Variants in SEM1 observed in about 807,000 individuals in gnomAD.
The protein encoded by SEM1 is SEM1 26S proteasome subunit.
In SEM1, 3 loss-of-function variants were observed where a neutral mutation model predicts 12.7. The observed-to-expected ratio is 0.24, with a 90% confidence interval of 0.11 to 0.61. The LOEUF (loss-of-function observed/expected upper bound fraction) is 0.61, where lower values mean the gene tolerates loss of function less well. Among genes scored for constraint, SEM1 ranks in the 20% least tolerant of loss-of-function variants. The pLI is 0.88. For missense variants in SEM1, 59 were observed against 81.3 expected (o/e 0.73, Z 1.06); for synonymous variants, 30 against 27.8 (o/e 1.08, Z -0.25).
upstream of SEM1, among the ~76,000 whole-genome samples, chr7:96,500,423 G>A (rs917899212): frequency 3.9e-5 from 6 of 152,032 alleles, no homozygotes; most frequent in East Asian, 5.8e-4. Flanking sequence ...TATGTCTCAC[G>A]AATGTAACTA....
At chr7:96,519,820 C>T (rs1434831525) in intron 2 of SEM1, among the ~76,000 whole-genome samples, 1 of 151,950 alleles carries the variant, frequency 6.6e-6, no homozygotes, top group Non-Finnish European at 1.5e-5. Flanking sequence ...GGGGTTATTC[C>T]GAGAGTTTTA....
At chr7:96,579,815 G>C (rs1443220911) in intron 2 of SEM1, among the ~76,000 whole-genome samples, 5 of 152,086 alleles carry the variant, frequency 3.3e-5, no homozygotes, top group African/African-American at 4.8e-5. Flanking sequence ...TTGATATTGA[G>C]CTATAGCCAC....
At chr7:96,540,934 G>A (rs1469335314) in intron 2 of SEM1, among the ~76,000 whole-genome samples, 1 of 151,794 alleles carries the variant, frequency 6.6e-6, no homozygotes, top group Non-Finnish European at 1.5e-5. Context: ...TCTTATAGCT[G>A]TGTAGTATTC....
At chr7:96,611,995 C>A (rs992989416) in intron 2 of SEM1, among the ~76,000 whole-genome samples, 16 of 140,422 alleles carry the variant, frequency 1.1e-4, no homozygotes, top group Non-Finnish European at 2.1e-4. Flanking sequence ...CTTACCCCCC[C>A]AAATAAAAAA....
intron 2 of SEM1, among the ~76,000 whole-genome samples, chr7:96,663,786 TAA>T (rs1232071894): frequency 6.6e-6 from 1 of 151,816 alleles, no homozygotes; most frequent in Non-Finnish European, 1.5e-5. Context: ...ATAAACACTA[TAA>T]AGAATTTCAA....
rs1467628353 is a variant in SEM1, at chr7:96,585,815, C to T, written c.171-79117G>A. 1.3e-5 allele frequency among the ~76,000 whole-genome samples: 2 copies of T among 152,120 alleles called. 1 individual carries two copies. Among genetic ancestry groups the T allele is most frequent in the South Asian group, 4.1e-4 (2 of 4,826 alleles). ...CTTCCCGAGTGAGGCAATGCCTCGC[C>T]CTGCTTCGGCTTGCACACGGTGCGC... On this transcript the variant is annotated intron_variant and NMD_transcript_variant, in intron 2 of 3. Coordinates refer to the SEM1 transcript ENST00000466986.
rs190060542 is a variant in SEM1, at chr7:96,708,929, T to C, written c.76+759A>G. Among the ~76,000 whole-genome samples the C allele has an allele frequency of 5.3e-3, 764 of 143,160 alleles. 8 individuals carry two copies. The highest frequency in any genetic ancestry group is 0.018 in the African/African-American group (728 of 41,010). 93.9% of individuals were successfully genotyped at this position (143,160 alleles called of 152,430 possible). ...TTATCTACAATGAAAAAACCAGGTC[T>C]TTAGTTTTGAAGCTAAAAAAAAAAA... is the stretch of plus-strand genomic sequence containing the variant. On this transcript the variant is annotated intron_variant, in intron 1 of 2. Coordinates refer to ENST00000248566, the MANE Select transcript of SEM1 (RefSeq NM_006304.2).
downstream of SEM1, among the ~76,000 whole-genome samples, chr7:96,684,012 A>T (rs1789692616): frequency 6.6e-6 from 1 of 152,066 alleles, no homozygotes; most frequent in South Asian, 2.1e-4. Flanking sequence ...GTAACTCAGA[A>T]CTTAAAGTAT....
intron 2 of SEM1, among the ~76,000 whole-genome samples, chr7:96,675,986 G>A (rs1367480202): frequency 6.6e-6 from 1 of 152,148 alleles, no homozygotes. Context: ...TCTGTTGCAG[G>A]CAACCAAGAA....
intron 2 of SEM1, among the ~76,000 whole-genome samples, chr7:96,679,426 T>A (rs965955093): frequency 2.0e-5 from 3 of 152,124 alleles, no homozygotes; most frequent in African/African-American, 7.2e-5. Flanking sequence ...CTTTGTTAAA[T>A]CTTTATTTAT....
Position 96,640,321 on chromosome 7 carries a change from C to T in SEM1, c.171-17678G>A, listed in dbSNP as rs936474554. Among the ~76,000 whole-genome samples the T allele has an allele frequency of 6.6e-6, 1 of 151,944 alleles. No homozygotes were observed. Among genetic ancestry groups the T allele is most frequent in the East Asian group, 1.9e-4 (1 of 5,180 alleles). On this transcript the variant is annotated intron_variant, in intron 2 of 2. Coordinates refer to the SEM1 transcript ENST00000417009. This position sits in a 1 kb window ranked among gnomAD's most constrained non-coding sequence, Gnocchi z 4.0. The stretch of plus-strand genomic sequence containing the variant: ...TAATTTTGCAAATATTTGGAAACAG[C>T]TAAGACATCCTTCCGTAGATGAATG...
chr7:96,509,260 C>A (rs1211730882), intron 2 of SEM1, among the ~76,000 whole-genome samples: 1 of 151,258 alleles, frequency 6.6e-6, no homozygotes, highest in Non-Finnish European at 1.5e-5. Context: ...CCTGCCTTGG[C>A]CTCTCAAAGT....
rs80342132 is a variant in SEM1 at position 96,579,646 on chromosome 7, A to G, written c.171-72948T>C. Among the ~76,000 whole-genome samples, 109 of 152,340 alleles carry G rather than the reference A, an allele frequency of 7.2e-4. 3 individuals are homozygous for G. In the East Asian group the frequency reaches 0.021, roughly 29 times the overall value. On this transcript the variant is annotated intron_variant and NMD_transcript_variant, in intron 2 of 3. Transcript: ENST00000466986. The stretch of plus-strand genomic sequence containing the variant: ...AATTGAAGTATAATTACTAAAACTA[A>G]TATTCATAGTAATGTGAACTCTTTT...
chr7:96,512,730 T>C (rs1803969771), intron 2 of SEM1, among the ~76,000 whole-genome samples: 1 of 152,072 alleles, frequency 6.6e-6, no homozygotes. Context: ...CACTCATGGG[T>C]TTGTGATCAA....
At chr7:96,583,424 G>A (rs1245773357) in intron 2 of SEM1, among the ~76,000 whole-genome samples, 7 of 143,634 alleles carry the variant, frequency 4.9e-5, no homozygotes, top group Admixed American at 1.5e-4. Context: ...GGTGTGGTGT[G>A]GTGCTGAAAA....
intron 2 of SEM1, among the ~76,000 whole-genome samples, chr7:96,604,228 A>G (rs953787048): frequency 5.3e-5 from 8 of 152,170 alleles, no homozygotes; most frequent in African/African-American, 1.9e-4. Context: ...ATTAATGATC[A>G]TTAAAATATT....
downstream of SEM1, among the ~76,000 whole-genome samples, chr7:96,671,699 C>T (rs1789321878): frequency 1.3e-5 from 2 of 152,142 alleles, no homozygotes; most frequent in Admixed American, 6.5e-5. Flanking sequence ...GAGGAAAAAG[C>T]ATCCTACCCT....
intron 2 of SEM1, among the ~76,000 whole-genome samples, chr7:96,575,216 C>T (rs918224467): frequency 6.6e-6 from 1 of 152,180 alleles, no homozygotes; most frequent in Admixed American, 6.5e-5. Context: ...TTCTAACAGT[C>T]AGGCCCCTCT....
At chr7:96,683,822 T>C (rs149959316), downstream of SEM1, among the ~76,000 whole-genome samples, 826 of 151,990 alleles carry the variant, frequency 5.4e-3, 10 homozygotes, top group African/African-American at 0.019. Context: ...TAAGTGGAAG[T>C]TGAACAGTGA....
Sources: allele counts gnomAD v4.1 joint callset (sites outside exome capture counted in the v4.1 genomes callset), GRCh38; gene constraint gnomAD v4.1.1; non-coding constraint Gnocchi (gnomAD v3.1); transcripts MANE v1.5; gene names NCBI Gene and HGNC (gene_info 2026-07-23, HGNC 2026-07-21).